Variants in NRF1 observed in about 807,000 individuals in gnomAD.
NRF1 encodes the protein alpha palindromic-binding protein.
A neutral mutation model predicts 58.5 loss-of-function variants in NRF1; 5 were observed. The ratio of observed to expected loss-of-function variants is 0.09; its 90% CI spans 0.04 to 0.18. The LOEUF (loss-of-function observed/expected upper bound fraction) is 0.18. Among genes scored for constraint, NRF1 ranks in the 10% least tolerant of loss-of-function variants. NRF1 has a pLI of 1.00. For synonymous variants in NRF1, 224 were observed against 246.7 expected, an observed-to-expected ratio of 0.91 and a Z score of 0.86; for missense variants, 288 against 657.7, an observed-to-expected ratio of 0.44 and a Z score of 6.15.
intron 1 of NRF1, among the ~76,000 whole-genome samples, chr7:129,655,968 G>T (rs1315930182): frequency 6.6e-6 from 1 of 152,092 alleles, no homozygotes; most frequent in Non-Finnish European, 1.5e-5. Flanking sequence ...ATAATAAGTG[G>T]TATGTGTATA....
At position 129,705,403 on chromosome 7, in the gene NRF1, G is replaced by A. The variant is rs533451296; in HGVS notation, c.607-3672G>A. ...CCTCCCGGGATTAAGCGATTCTCCTGCCTCAGCCTCCTGAGTAGCTGGCAT... is the reference window on the plus strand; with the variant it reads ...CCTCCCGGGATTAAGCGATTCTCCTACCTCAGCCTCCTGAGTAGCTGGCAT... On this transcript the variant is annotated intron_variant, in intron 5 of 10. Transcript: ENST00000393232. Among the ~76,000 whole-genome samples, 95 of 152,172 alleles carry A rather than the reference G, an allele frequency of 6.2e-4. 1 individual carries two copies. The highest frequency in any genetic ancestry group is 9.8e-4 in the Non-Finnish European group (67 of 68,026).
intron 1 of NRF1, among the ~76,000 whole-genome samples, chr7:129,613,328 C>G (rs1036217135): frequency 6.6e-6 from 1 of 151,974 alleles, no homozygotes; most frequent in African/African-American, 2.4e-5. Flanking sequence ...ATTAGTATCC[C>G]GACTCCCTAA....
At chr7:129,750,425 A>G (rs1039399369) in intron 10 of NRF1, among the ~76,000 whole-genome samples, 32 of 152,340 alleles carry the variant, frequency 2.1e-4, no homozygotes, top group African/African-American at 6.5e-4. Flanking sequence ...CTGTTAGGTC[A>G]GAGACACTGA....
intron 1 of NRF1, among the ~76,000 whole-genome samples, chr7:129,627,832 A>G (rs949879380): frequency 1.3e-5 from 2 of 152,078 alleles, no homozygotes; most frequent in Admixed American, 6.6e-5. Flanking sequence ...TACCCTTTTC[A>G]TGGTTGCTAA....
At chr7:129,625,675 ATTTTTTTTTTT>A (rs56694598) in intron 1 of NRF1, among the ~76,000 whole-genome samples, 2 of 88,992 alleles carry the variant, frequency 2.2e-5, no homozygotes, top group African/African-American at 9.6e-5. Context: ...TAATGTTTTA[ATTTTTTTTTTT>A]TTTTTTTTTT....
At chr7:129,685,189 A>T (rs558446891) in intron 4 of NRF1, among the ~76,000 whole-genome samples, 73 of 152,338 alleles carry the variant, frequency 4.8e-4, no homozygotes, top group African/African-American at 1.6e-3. Flanking sequence ...GAATACAAAA[A>T]AATTATGGTA....
intron 4 of NRF1, among the ~76,000 whole-genome samples, chr7:129,683,495 A>G (rs1211755906): frequency 6.6e-6 from 1 of 150,940 alleles, no homozygotes; most frequent in African/African-American, 2.4e-5. Context: ...ATGCCCGGCT[A>G]TTTTTTATGT....
chr7:129,663,463 C>T (rs1584619399), intron 2 of NRF1, among the ~76,000 whole-genome samples: 1 of 139,684 alleles, frequency 7.2e-6, no homozygotes, highest in African/African-American at 2.7e-5. Context: ...AATGGGCGGC[C>T]GAGCAGAGGT....
In NRF1 at chr7:129,677,573, T is replaced by C. The variant is rs1367298969; in HGVS notation, c.339-59T>C. On this transcript the variant is annotated intron_variant, in intron 3 of 10. Transcript: ENST00000393232. Reference sequence around the variant, plus strand: ...AACTGTCTTACCTCATTTGTGTCTATGTCACTGTAATTTCCGTCTTTTTAA... The same window carrying C: ...AACTGTCTTACCTCATTTGTGTCTACGTCACTGTAATTTCCGTCTTTTTAA... 21 of 1,527,964 alleles carry C rather than the reference T, an allele frequency of 1.4e-5. No homozygotes were observed. The Admixed American group carries it at 3.2e-4, about 23-fold the overall frequency. The allele number at this position is 1,527,964 out of a possible 1,614,324, so 94.7% of individuals were successfully genotyped here.
At chr7:129,711,644 C>T in intron 8 of NRF1, 68 bp downstream of exon 8, 2 of 1,271,564 alleles carry the variant, frequency 1.6e-6, no homozygotes, top group Non-Finnish European at 1.1e-6. Context: ...AGCAAGGGTC[C>T]AGAAGATGGA....
At position 129,628,919 on chromosome 7, in the gene NRF1, G is replaced by C. The variant is rs151056607; in HGVS notation, c.-7+17095G>C. Among the ~76,000 whole-genome samples the C allele has an allele frequency of 1.7e-4, 26 of 152,290 alleles. No individual in the cohort carries two copies. In the East Asian group the frequency reaches 2.5e-3, roughly 15 times the overall value. ...AATTTGGAAAATATTAATTCATCAA[G>C]TTTATGGAGATCTTTCAAATATTGA... On this transcript the variant is annotated intron_variant, in intron 1 of 10. Transcript: ENST00000393232.
chr7:129,654,725 C>T (rs890129705), intron 1 of NRF1, among the ~76,000 whole-genome samples: 3 of 152,234 alleles, frequency 2.0e-5, no homozygotes, highest in African/African-American at 7.2e-5. Flanking sequence ...CTTTGCCAAA[C>T]TAATGTATTG....
chr7:129,671,082 G>A (rs1443212686), intron 2 of NRF1, among the ~76,000 whole-genome samples: 1 of 152,130 alleles, frequency 6.6e-6, no homozygotes, highest in African/African-American at 2.4e-5. Flanking sequence ...TCTCCTCTCA[G>A]TGCTACAATT....
chr7:129,730,745 G>C (rs1304119388), intron 10 of NRF1, among the ~76,000 whole-genome samples: 1 of 152,120 alleles, frequency 6.6e-6, no homozygotes, highest in African/African-American at 2.4e-5. Flanking sequence ...GGAGGCCGAG[G>C]TAGGAGGATT....
intron 1 of NRF1, among the ~76,000 whole-genome samples, chr7:129,620,206 A>G (rs942127309): frequency 3.3e-5 from 5 of 152,152 alleles, no homozygotes; most frequent in Admixed American, 3.3e-4. Flanking sequence ...ACTTCTTAGA[A>G]ATGGGAGTAG....
chr7:129,701,699 A>G (rs1802830059), intron 5 of NRF1, among the ~76,000 whole-genome samples: 2 of 152,200 alleles, frequency 1.3e-5, no homozygotes, highest in Non-Finnish European at 1.5e-5. Context: ...GGGATTGGCA[A>G]AGTCTTTCTG....
In NRF1 at chr7:129,732,838, G is replaced by A. The variant is rs1266396959; in HGVS notation, c.1348+5473G>A. Among the ~76,000 whole-genome samples the A allele has an allele frequency of 7.2e-5, 11 of 152,268 alleles. 1 individual carries two copies. Among genetic ancestry groups the A allele is most frequent in the South Asian group, 6.2e-4 (3 of 4,822 alleles). On this transcript the variant is annotated intron_variant, in intron 10 of 10. Transcript: ENST00000393232. ...GCTGGTCTCGAACTCCCGACCTCAGGTGATCTGCCCGCCTCAGCCTCCCAA... is the reference window on the plus strand; with the variant it reads ...GCTGGTCTCGAACTCCCGACCTCAGATGATCTGCCCGCCTCAGCCTCCCAA...
intron 4 of NRF1, among the ~76,000 whole-genome samples, chr7:129,679,263 G>A (rs1288486365): frequency 1.3e-5 from 2 of 152,178 alleles, no homozygotes; most frequent in African/African-American, 2.4e-5. Flanking sequence ...TCTATTCAAT[G>A]TATGTGTCAT....
chr7:129,720,706 G>A (rs1266394185), intron 9 of NRF1, among the ~76,000 whole-genome samples: 2 of 152,120 alleles, frequency 1.3e-5, no homozygotes, highest in Non-Finnish European at 2.9e-5. Context: ...AATGGGATCA[G>A]GACAGTTGCA....
Sources: allele counts gnomAD v4.1 joint callset (sites outside exome capture counted in the v4.1 genomes callset), GRCh38; gene constraint gnomAD v4.1.1; transcripts MANE v1.5; gene names NCBI Gene and HGNC (gene_info 2026-07-23, HGNC 2026-07-21).